NOTCH2: variants seen among roughly 807,000 people sequenced by gnomAD.
The protein encoded by NOTCH2 is notch receptor 2.
NOTCH2 carries 29 observed loss-of-function variants against 235.8 expected under a neutral mutation model. That is an observed-to-expected ratio of 0.12 (90% CI 0.09 to 0.17). The LOEUF (loss-of-function observed/expected upper bound fraction) is 0.17, where lower values mean the gene tolerates loss of function less well. Among genes scored for constraint, NOTCH2 ranks in the 10% least tolerant of loss-of-function variants. The pLI, the probability that NOTCH2 is intolerant of heterozygous loss-of-function variation, is 1.00. For missense variants in NOTCH2, 2,285 were observed against 3,150.2 expected, an observed-to-expected ratio of 0.73 and a Z score of 6.57; for synonymous variants, 1,086 against 1,141.5, an observed-to-expected ratio of 0.95 and a Z score of 0.98.
chr1:119,965,610 T>TGA, intron 9 of NOTCH2, 44 bp from the exon 10 acceptor site: 1 of 1,288,508 alleles, frequency 7.8e-7, no homozygotes, highest in Non-Finnish European at 1.1e-6. Flanking sequence ...GATTATCTTG[T>TGA]GTCTCCCTTT....
intron 23 of NOTCH2, 81 bp from the exon 24 acceptor site, chr1:119,926,692 G>T: frequency 1.8e-6 from 2 of 1,115,676 alleles, no homozygotes; most frequent in Non-Finnish European, 2.7e-6. Context: ...GCTGGGATGG[G>T]AACTAGCCAT....
chr1:120,000,860 C>G (rs1224745697), intron 3 of NOTCH2, among the ~76,000 whole-genome samples: 2 of 152,152 alleles, frequency 1.3e-5, no homozygotes, highest in East Asian at 3.9e-4. Flanking sequence ...TAACTACCCT[C>G]TACCCCACCA....
At chr1:119,968,712 T>C (rs1210937565) in intron 6 of NOTCH2, among the ~76,000 whole-genome samples, 3 of 152,220 alleles carry the variant, frequency 2.0e-5, no homozygotes, top group East Asian at 3.9e-4. Flanking sequence ...CATCAGCCTC[T>C]ACTAGAGTAA....
At chr1:119,923,471 C>G (rs961414236) in intron 26 of NOTCH2, among the ~76,000 whole-genome samples, 166 bp downstream of exon 26, 4 of 152,236 alleles carry the variant, frequency 2.6e-5, no homozygotes, top group Non-Finnish European at 4.4e-5. Context: ...GAAGGCATAT[C>G]TTTACATTTA....
intron 1 of NOTCH2, among the ~76,000 whole-genome samples, chr1:120,058,316 C>T (rs1299516147): frequency 1.3e-5 from 2 of 151,240 alleles, no homozygotes; most frequent in African/African-American, 4.8e-5. Context: ...CCAGCCTGCC[C>T]AACATAGAGA....
chr1:120,054,296 C>T (rs1310113041), intron 1 of NOTCH2: 2 of 150,816 alleles, frequency 1.3e-5, no homozygotes, highest in African/African-American at 4.9e-5. Flanking sequence ...GTGTCAAACA[C>T]ACTTCTCTTA....
intron 9 of NOTCH2, 55 bp from the exon 10 acceptor site, chr1:119,965,621 A>G: frequency 8.3e-7 from 1 of 1,207,062 alleles, no homozygotes; most frequent in Non-Finnish European, 1.2e-6. Context: ...GTCTCCCTTT[A>G]CCATGAGAAT....
intron 11 of NOTCH2, 150 bp downstream of exon 11, chr1:119,963,424 G>A (rs587632967): frequency 1.5e-4 from 114 of 785,374 alleles, no homozygotes; most frequent in Non-Finnish European, 7.4e-5. Context: ...TTTGCCTTGA[G>A]ACATTTATGT....
At chr1:120,015,186 C>T (rs1175300954) in intron 2 of NOTCH2, among the ~76,000 whole-genome samples, 6 of 152,132 alleles carry the variant, frequency 3.9e-5, no homozygotes, top group Admixed American at 6.5e-5. Context: ...ATGTGGGTTG[C>T]GTCGGCACTG....
At chr1:119,931,632 A>G (rs2101174378) in intron 22 of NOTCH2, among the ~76,000 whole-genome samples, 1 of 152,306 alleles carries the variant, frequency 6.6e-6, no homozygotes, top group East Asian at 1.9e-4. Context: ...ATGGGAATTT[A>G]GAATCTGGCA....
Position 119,953,678 on chromosome 1 carries a change from G to C in NOTCH2, c.2230C>G (p.Leu744Val), listed in dbSNP as rs199507434. The C allele has an allele frequency of 6.8e-6, 11 of 1,614,066 alleles. No individual in the cohort carries two copies. In the East Asian group the frequency reaches 2.5e-4, roughly 36 times the overall value. The change falls in exon 14 of 34, where the codon CTC becomes GTC. Residue 744 changes from leucine (L) to valine (V), a missense_variant. This residue lies in a region of NOTCH2 where 1,173 missense variants were observed against 1,515.3 expected (regional missense o/e 0.77). Transcript: ENST00000256646. ...ATGCCAACCCAGCCTGCATCACAGA[G>C]ACACTTATATCTGAAAGAAGACAAA... ...CTGGLSGYKC[L>V]CDAGWVGINC...
intron 1 of NOTCH2, among the ~76,000 whole-genome samples, chr1:120,036,871 G>A (rs1292697762): frequency 6.6e-6 from 1 of 151,922 alleles, no homozygotes; most frequent in African/African-American, 2.4e-5. Context: ...ATTTCCTCTA[G>A]GCATTTACCT....
chr1:119,939,753 A>G (rs1305648989), intron 19 of NOTCH2, among the ~76,000 whole-genome samples: 3 of 152,194 alleles, frequency 2.0e-5, no homozygotes, highest in Non-Finnish European at 2.9e-5. Flanking sequence ...AACAAATAGG[A>G]GCCCAACCAA....
In NOTCH2 at chr1:120,069,345, G is replaced by C. The variant is rs782179651; in HGVS notation, c.62C>G (p.Ala21Gly). The change falls in exon 1 of 34, where the codon GCC (alanine) becomes GGC (glycine). Residue 21 changes from alanine (A) to glycine (G), a missense_variant. Transcript: ENST00000256646. ...AGCCCGATACTCACCATGCGCGGGG[G>C]CCGCGCAGCACAGCCAGAGCGCCAG... ...ALLALWLCCA[A>G]PAHALQCRDG... 1.3e-6 allele frequency: 2 copies of C among 1,569,130 alleles called. No homozygotes were observed. The highest frequency in any genetic ancestry group is 2.7e-5 in the African/African-American group (2 of 73,622).
intron 30 of NOTCH2, among the ~76,000 whole-genome samples, chr1:119,919,841 T>C (rs1219534589): frequency 6.6e-6 from 1 of 152,242 alleles, no homozygotes; most frequent in Non-Finnish European, 1.5e-5. Context: ...GGCTCTTCTC[T>C]AAACACGTTT....
Position 119,925,074 on chromosome 1 carries a change from CA to C in NOTCH2, c.4511+230del, listed in dbSNP as rs587743298. 2.3e-4 allele frequency among the ~76,000 whole-genome samples: 35 copies of C among 152,272 alleles called. No homozygotes were observed. The South Asian group carries it at 5.4e-3, about 23-fold the overall frequency. On this transcript the variant is annotated intron_variant, in intron 25 of 33. Transcript: ENST00000256646. ...ATCCCCCAGGAGGTCACGAAGGCAG[CA>C]GGTGAGAAGGCAAAGATAGGCAGAG...
At chr1:119,935,379 T>C in intron 22 of NOTCH2, 93 bp downstream of exon 22, 1 of 1,612,000 alleles carries the variant, frequency 6.2e-7, no homozygotes, top group Non-Finnish European at 8.5e-7. Flanking sequence ...AGTCTTCCTA[T>C]CTTTAATTTT....
chr1:119,935,334 A>C (rs1241533211), intron 22 of NOTCH2, 138 bp downstream of exon 22: 28 of 1,596,604 alleles, frequency 1.8e-5, no homozygotes, highest in Non-Finnish European at 2.0e-5. Context: ...GGCTTGAATT[A>C]CTAGGATGTA....
intron 14 of NOTCH2, 40 bp downstream of exon 14, chr1:119,953,503 G>A (rs377181587): frequency 9.9e-6 from 16 of 1,610,134 alleles, no homozygotes; most frequent in Non-Finnish European, 1.4e-5. Context: ...ACAACAAGAA[G>A]ACAAAGAGCA....
Sources: gnomAD v4.1 joint callset for allele counts (sites outside exome capture counted in the v4.1 genomes callset) on GRCh38, gnomAD v4.1.1 for gene constraint, gnomAD v4.1.1 regional missense constraint, MANE v1.5 for transcripts, NCBI Gene and HGNC (gene_info 2026-07-23, HGNC 2026-07-21) for gene names.